The following TET2 variants were observed in gnomAD, a reference collection of about 807,000 sequenced individuals.
TET2 encodes tet methylcytosine dioxygenase 2, also known as methylcytosine dioxygenase TET2.
TET2 carries 299 observed loss-of-function variants against 142.9 expected under a neutral mutation model. The observed-to-expected ratio is 2.09, with a 90% confidence interval of 1.90 to 2.30. The LOEUF (loss-of-function observed/expected upper bound fraction) is 2.30. Ranked by LOEUF, TET2 falls within the 30% of genes most tolerant of loss-of-function variation. TET2 has a pLI of 0.00. For missense variants in TET2, 2,418 were observed against 2,378.0 expected, an observed-to-expected ratio of 1.02 and a Z score of -0.35; for synonymous variants, 819 against 849.0, an observed-to-expected ratio of 0.96 and a Z score of 0.61.
rs2110230553 is a variant in TET2 at position 105,235,844 on chromosome 4, C to A, written c.1902C>A (p.Tyr634Ter). 6.2e-7 allele frequency: 1 copy of A among 1,614,010 alleles called. No individual in the cohort carries two copies. The highest frequency in any genetic ancestry group is 8.5e-7 in the Non-Finnish European group (1 of 1,179,976). ...AGCTGGAGCACAAGTCACAAATGTA[C>A]CAAGTTGAAATGAATCAAGGGCAGT... Reference protein sequence around the residue: ...TTQLEHKSQMYQVEMNQGQSQ... With the variant: ...TTQLEHKSQM The change falls in exon 3 of 11, where the codon TAC becomes TAA. Residue 634 changes from tyrosine to a stop codon, truncating the protein, a stop_gained. Coordinates refer to ENST00000380013, the MANE Select transcript of TET2 (RefSeq NM_001127208.3). LOFTEE classifies it high-confidence loss of function.
intron 1 of TET2, among the ~76,000 whole-genome samples, chr4:105,183,989 A>T (rs576243292): frequency 6.6e-6 from 1 of 152,226 alleles, no homozygotes; most frequent in Non-Finnish European, 1.5e-5. Context: ...ATTTTAGTGG[A>T]TGAAAAATAA....
At chr4:105,198,183 A>G (rs1726202168) in intron 2 of TET2, among the ~76,000 whole-genome samples, 1 of 152,046 alleles carries the variant, frequency 6.6e-6, no homozygotes, top group Admixed American at 6.6e-5. Flanking sequence ...CTAAAAATGC[A>G]AAATTAGCTG....
rs1033239583 is a variant in TET2 at position 105,221,755 on chromosome 4, G to T, written c.-46-12142G>T. On this transcript the variant is annotated intron_variant, in intron 2 of 10. Transcript: ENST00000380013. Reference sequence around the variant, plus strand: ...ATACTTTAAGTTTTAGGGTACATGGGCACAATGTGCAGGTTAGTTACATAT... The same window carrying T: ...ATACTTTAAGTTTTAGGGTACATGGTCACAATGTGCAGGTTAGTTACATAT... Among the ~76,000 whole-genome samples the T allele has an allele frequency of 2.6e-5, 4 of 151,370 alleles. No homozygotes were observed. The South Asian group carries it at 8.4e-4, about 32-fold the overall frequency.
chr4:105,277,063 A>G lies in TET2; in HGVS notation c.*544A>G. 1 of 232,686 alleles carries G rather than the reference A, an allele frequency of 4.3e-6. No homozygotes were observed. The highest frequency in any genetic ancestry group is 6.1e-5 in the East Asian group (1 of 16,396). The allele number at this position is 232,686 out of a possible 1,614,324, so 14.4% of individuals were successfully genotyped here. A position where few individuals can be genotyped will look rare whatever the true frequency, so the allele number is the denominator to read the frequency against. ...AACTTTTATTTATCAAAATAGCTAC[A>G]GGAAACATGAATAGCAGGAAAACAC... is the stretch of plus-strand genomic sequence containing the variant. On this transcript the variant is annotated 3_prime_UTR_variant, in exon 11 of 11. Coordinates refer to ENST00000380013, the MANE Select transcript of TET2 (RefSeq NM_001127208.3).
At chr4:105,244,377 A>G (rs1461153819) in intron 6 of TET2, among the ~76,000 whole-genome samples, 1 of 152,184 alleles carries the variant, frequency 6.6e-6, no homozygotes, top group Non-Finnish European at 1.5e-5. Flanking sequence ...TTCCAGGAAT[A>G]TAAGAATTTA....
At chr4:105,165,440 A>C (rs183262463) in intron 1 of TET2, among the ~76,000 whole-genome samples, 23 of 152,338 alleles carry the variant, frequency 1.5e-4, no homozygotes, top group African/African-American at 4.8e-4. Context: ...GTGAGAGTGG[A>C]AATTCCTTAC....
At chr4:105,198,874 C>A (rs926566976) in intron 2 of TET2, among the ~76,000 whole-genome samples, 1 of 152,244 alleles carries the variant, frequency 6.6e-6, no homozygotes, top group Middle Eastern at 3.4e-3. Context: ...CGAAGTTACA[C>A]TATATTAGAG....
chr4:105,208,404 C>T (rs1028538452), intron 2 of TET2, among the ~76,000 whole-genome samples: 1 of 152,076 alleles, frequency 6.6e-6, no homozygotes, highest in Non-Finnish European at 1.5e-5. Context: ...CCAACATACT[C>T]CTCTGAATTA....
rs1350811636 is a variant in TET2 at position 105,277,515 on chromosome 4, T to G, written c.*996T>G. On this transcript the variant is annotated 3_prime_UTR_variant, in exon 11 of 11. Transcript: ENST00000380013. ...TTTCATTTTAGAATGCAAAGTTGAT[T>G]TTTTTAAGGAAACAAAGAAAGCTTT... 1 of 226,932 alleles carries G rather than the reference T, an allele frequency of 4.4e-6. No homozygotes were observed. Among genetic ancestry groups the G allele is most frequent in the Non-Finnish European group, 8.8e-6 (1 of 114,270 alleles). 14.1% of individuals were successfully genotyped at this position (226,932 alleles called of 1,614,324 possible).
chr4:105,255,496 C>A (rs1169480550), intron 6 of TET2, among the ~76,000 whole-genome samples: 2 of 152,108 alleles, frequency 1.3e-5, no homozygotes, highest in East Asian at 3.8e-4. Flanking sequence ...GTCTGTTAGA[C>A]CTAGTTGGTT....
intron 2 of TET2, among the ~76,000 whole-genome samples, chr4:105,199,410 G>A (rs1361383025): frequency 1.3e-5 from 2 of 152,082 alleles, no homozygotes; most frequent in African/African-American, 4.8e-5. Context: ...TTCACTTTGT[G>A]ACTGTGATTT....
chr4:105,217,710 C>T (rs1378022019), intron 2 of TET2, among the ~76,000 whole-genome samples: 2 of 152,028 alleles, frequency 1.3e-5, no homozygotes, highest in Admixed American at 1.3e-4. Flanking sequence ...TTTTCTCAGG[C>T]TGGTTCTCCT....
chr4:105,172,528 G>A (rs1724533235), intron 1 of TET2: 1 of 152,178 alleles, frequency 6.6e-6, no homozygotes, highest in South Asian at 2.1e-4. Context: ...TGTTCCAGGG[G>A]TGGCAGAAGT....
chr4:105,236,262 T>A lies in TET2; in HGVS notation c.2320T>A (p.Ser774Thr), dbSNP rs756025246. 5.0e-6 allele frequency: 8 copies of A among 1,614,084 alleles called. No individual in the cohort carries two copies. Among genetic ancestry groups the A allele is most frequent in the Non-Finnish European group, 6.8e-6 (8 of 1,180,008 alleles). The change falls in exon 3 of 11, where the codon TCA becomes ACA. Residue 774 changes from serine (S) to threonine (T), a missense_variant. Coordinates refer to ENST00000380013, the MANE Select transcript of TET2 (RefSeq NM_001127208.3). ...QSNNDQQREG[S>T]FFGQTKVEEC... ...CAACAATGATCAGCAAAGAGAAGGA[T>A]CATTCTTTGGCCAGACTAAAGTGGA...
rs144254982 is a variant in TET2 at position 105,195,165 on chromosome 4, G to A, written c.-47+4660G>A. The stretch of plus-strand genomic sequence containing the variant: ...TATGAAAGTCATTTTCACTATTCTT[G>A]TGTTTCAGTTTCCTCATCAAAAGGT... On this transcript the variant is annotated intron_variant, in intron 2 of 10. Coordinates refer to ENST00000380013, the MANE Select transcript of TET2 (RefSeq NM_001127208.3). 2.7e-4 allele frequency among the ~76,000 whole-genome samples: 41 copies of A among 152,208 alleles called. 1 individual carries two copies. In the East Asian group the frequency reaches 6.0e-3, roughly 22 times the overall value.
At chr4:105,241,235 T>C in intron 3 of TET2, 104 bp from the exon 4 acceptor site, 1 of 1,379,454 alleles carries the variant, frequency 7.2e-7, no homozygotes, top group Admixed American at 3.4e-5. Flanking sequence ...TTAAAGTCAC[T>C]TTTAGAGCCC....
intron 2 of TET2, among the ~76,000 whole-genome samples, chr4:105,218,728 GTA>G (rs950642475): frequency 1.3e-5 from 2 of 151,958 alleles, no homozygotes; most frequent in East Asian, 3.8e-4. Flanking sequence ...TGTCCTGTAG[GTA>G]TATGTCTTGT....
intron 1 of TET2, among the ~76,000 whole-genome samples, chr4:105,170,139 T>C (rs1317261205): frequency 6.6e-6 from 1 of 152,188 alleles, no homozygotes; most frequent in Non-Finnish European, 1.5e-5. Context: ...TGATGGGAAT[T>C]GCATAGTTTA....
chr4:105,150,823 A>G (rs959030984), intron 1 of TET2, among the ~76,000 whole-genome samples: 14 of 152,200 alleles, frequency 9.2e-5, no homozygotes, highest in African/African-American at 3.4e-4. Context: ...GGTTTGGTAT[A>G]TAGTAGGAGA....
Sources: gnomAD v4.1 joint callset for allele counts (sites outside exome capture counted in the v4.1 genomes callset) on GRCh38, gnomAD v4.1.1 for gene constraint, MANE v1.5 for transcripts, NCBI Gene and HGNC (gene_info 2026-07-23, HGNC 2026-07-21) for gene names.